Variants in COL6A6 observed in about 807,000 individuals in gnomAD.
COL6A6 encodes collagen type VI alpha 6 chain, also known as collagen alpha-6(VI) chain.
Under a neutral mutation model 208.6 loss-of-function variants are expected in COL6A6, and 183 were observed. The ratio of observed to expected loss-of-function variants is 0.88; its 90% CI spans 0.78 to 0.99. COL6A6 has a LOEUF of 0.99. Ranked by LOEUF, COL6A6 falls within the 50% of genes least tolerant of loss-of-function variation. The probability of loss-of-function intolerance (pLI) is 0.00; values close to 1 mark genes in which losing one functional copy is unlikely to be tolerated. For synonymous variants in COL6A6, 973 were observed against 1,011.8 expected (o/e 0.96, Z 0.73); for missense variants, 2,816 against 2,815.2 (o/e 1.00, Z -0.01).
At chr3:130,616,984 G>A (rs1329303761) in intron 23 of COL6A6, among the ~76,000 whole-genome samples, 1 of 152,128 alleles carries the variant, frequency 6.6e-6, no homozygotes, top group African/African-American at 2.4e-5. Context: ...AGCTCTATGT[G>A]TTTGTTATTG....
intron 33 of COL6A6, among the ~76,000 whole-genome samples, chr3:130,652,970 T>G (rs924996792): frequency 6.6e-5 from 10 of 152,256 alleles, no homozygotes; most frequent in Non-Finnish European, 1.3e-4. Flanking sequence ...CTGATTTCCC[T>G]GTTTCTTAGC....
intron 32 of COL6A6, among the ~76,000 whole-genome samples, chr3:130,645,706 G>A (rs561658543): frequency 6.6e-6 from 1 of 152,302 alleles, no homozygotes; most frequent in South Asian, 2.1e-4. Context: ...CAAGTAAGTG[G>A]AATGTGCAAC....
chr3:130,665,382 T>C (rs74351042), intron 36 of COL6A6, among the ~76,000 whole-genome samples: 2,954 of 152,174 alleles, frequency 0.019, 97 homozygotes, highest in African/African-American at 0.067. Context: ...GATAACCACA[T>C]TGTGGTTTCT....
At position 130,593,190 on chromosome 3, in the gene COL6A6, GT is replaced by G. The variant is rs778751088; in HGVS notation, c.4417-3del. The G allele has an allele frequency of 1.9e-6, 3 of 1,612,836 alleles. No homozygotes were observed. Among genetic ancestry groups the G allele is most frequent in the African/African-American group, 1.3e-5 (1 of 74,876 alleles). Reference sequence around the variant, plus strand: ...ATTCTATTAATAGCTTTCCCTTCTTGTTTTTTAGGGTGATAATGGTCTTCCT... The same window carrying G: ...ATTCTATTAATAGCTTTCCCTTCTTGTTTTTAGGGTGATAATGGTCTTCCT... On this transcript the variant is annotated splice_polypyrimidine_tract_variant and splice_region_variant and intron_variant, in intron 16 of 36. Transcript: ENST00000358511.
At chr3:130,589,952 A>G (rs910961954) in intron 12 of COL6A6, 4 of 445,282 alleles carry the variant, frequency 9.0e-6, no homozygotes, top group African/African-American at 8.0e-5. Flanking sequence ...TTTTTGGACT[A>G]ATTATTTCCT....
intron 1 of COL6A6, among the ~76,000 whole-genome samples, chr3:130,536,640 G>A (rs912718062): frequency 1.3e-5 from 2 of 152,142 alleles, no homozygotes; most frequent in Non-Finnish European, 2.9e-5. Context: ...CAGAAACTGT[G>A]AAGGCCCTCA....
chr3:130,675,006 T>G (rs1480548677), intron 36 of COL6A6, among the ~76,000 whole-genome samples, 196 bp from the exon 37 acceptor site: 1 of 152,200 alleles, frequency 6.6e-6, no homozygotes, highest in African/African-American at 2.4e-5. Flanking sequence ...TTTTGCATAC[T>G]TTGATGAGAT....
intron 27 of COL6A6, 50 bp downstream of exon 27, chr3:130,634,675 G>A: frequency 1.4e-6 from 2 of 1,410,680 alleles, no homozygotes; most frequent in Non-Finnish European, 2.0e-6. Context: ...TACTCCTGGG[G>A]TTTATGAAAT....
chr3:130,556,550 A>G (rs903726682), intron 1 of COL6A6, among the ~76,000 whole-genome samples: 1 of 151,882 alleles, frequency 6.6e-6, no homozygotes, highest in African/African-American at 2.4e-5. Flanking sequence ...CATTTATATG[A>G]TTATCTATTT....
intron 20 of COL6A6, among the ~76,000 whole-genome samples, chr3:130,602,069 T>C (rs191745020): frequency 3.3e-5 from 5 of 152,270 alleles, no homozygotes; most frequent in African/African-American, 1.2e-4. Context: ...CTGGAAAATA[T>C]TCCACTTTTA....
chr3:130,544,691 C>T (rs1334444265), intron 1 of COL6A6, among the ~76,000 whole-genome samples: 1 of 152,178 alleles, frequency 6.6e-6, no homozygotes, highest in Admixed American at 6.5e-5. Context: ...ACACCTTCAA[C>T]ATTTGTTATC....
intron 10 of COL6A6, among the ~76,000 whole-genome samples, chr3:130,586,134 T>C (rs987479002): frequency 2.0e-5 from 3 of 152,108 alleles, no homozygotes. Context: ...TTGTAAAATT[T>C]TGTAAATTTT....
Position 130,543,395 on chromosome 3 carries a change from A to G in COL6A6, c.-31-16939A>G, listed in dbSNP as rs73870081. Among the ~76,000 whole-genome samples the G allele has an allele frequency of 1.7e-4, 26 of 152,180 alleles. No homozygotes were observed. The East Asian group carries it at 5.0e-3, about 29-fold the overall frequency. ...CATATTTGTTACTTGTTTCTATTCGATGCCCTTTTTCTTTGTTCCTATTTT... is the reference window on the plus strand; with the variant it reads ...CATATTTGTTACTTGTTTCTATTCGGTGCCCTTTTTCTTTGTTCCTATTTT... On this transcript the variant is annotated intron_variant, in intron 1 of 36. Transcript: ENST00000358511.
chr3:130,586,409 G>A, intron 10 of COL6A6, 97 bp from the exon 11 acceptor site: 1 of 1,061,150 alleles, frequency 9.4e-7, no homozygotes, highest in South Asian at 1.8e-5. Context: ...TGTTCTTCTT[G>A]CAGCTGTTCA....
At chr3:130,580,718 A>G (rs1408724525) in intron 8 of COL6A6, among the ~76,000 whole-genome samples, 3 of 152,240 alleles carry the variant, frequency 2.0e-5, no homozygotes, top group Non-Finnish European at 4.4e-5. Context: ...ATTGTTCTCT[A>G]ATTAACTGCC....
intron 8 of COL6A6, 78 bp from the exon 9 acceptor site, chr3:130,581,483 C>T: frequency 2.9e-6 from 3 of 1,026,210 alleles, no homozygotes; most frequent in Non-Finnish European, 4.3e-6. Context: ...TTCCAAGTCC[C>T]TTGATTCAGA....
At chr3:130,595,750 G>C (rs1250586667) in intron 18 of COL6A6, among the ~76,000 whole-genome samples, 1 of 152,084 alleles carries the variant, frequency 6.6e-6, no homozygotes, top group Non-Finnish European at 1.5e-5. Context: ...TATAAGTAGT[G>C]CTGCTATGAA....
chr3:130,576,075 C>A (rs1423679141), intron 8 of COL6A6, among the ~76,000 whole-genome samples: 3 of 152,192 alleles, frequency 2.0e-5, no homozygotes, highest in African/African-American at 7.2e-5. Context: ...TCTACTCAGC[C>A]ATATCAGCTC....
intron 1 of COL6A6, among the ~76,000 whole-genome samples, chr3:130,554,391 G>C (rs992575256): frequency 2.0e-5 from 3 of 152,198 alleles, no homozygotes; most frequent in African/African-American, 7.2e-5. Flanking sequence ...ATTCATGAAA[G>C]TGGTGGTGCT....
Sources: allele counts gnomAD v4.1 joint callset (sites outside exome capture counted in the v4.1 genomes callset), GRCh38; gene constraint gnomAD v4.1.1; transcripts MANE v1.5; gene names NCBI Gene and HGNC (gene_info 2026-07-23, HGNC 2026-07-21).